The following LARGE1 variants were observed in gnomAD, a reference collection of about 807,000 sequenced individuals.
The protein encoded by LARGE1 is LARGE xylosyl- and glucuronyltransferase 1, also known as xylosyl- and glucuronyltransferase LARGE1.
Under a neutral mutation model 87.6 loss-of-function variants are expected in LARGE1, and 43 were observed. The ratio of observed to expected loss-of-function variants is 0.49; its 90% CI spans 0.38 to 0.63. LARGE1 has a LOEUF of 0.63. Ranked by LOEUF, LARGE1 falls within the 30% of genes least tolerant of loss-of-function variation. LARGE1 has a pLI of 0.00. For synonymous variants in LARGE1, 434 were observed against 394.6 expected (o/e 1.10, Z -1.18); for missense variants, 802 against 1,000.2 (o/e 0.80, Z 2.67).
intron 11 of LARGE1, among the ~76,000 whole-genome samples, chr22:33,232,199 G>C (rs1354764390): frequency 2.6e-5 from 4 of 152,192 alleles, no homozygotes; most frequent in African/African-American, 9.6e-5. Context: ...GTTTCTCTCA[G>C]CCTGCAAAAC....
intron 4 of LARGE1, among the ~76,000 whole-genome samples, chr22:33,615,018 C>A (rs922134886): frequency 2.6e-5 from 4 of 152,208 alleles, no homozygotes; most frequent in Non-Finnish European, 5.9e-5. Flanking sequence ...AAGTTAGACA[C>A]CACAGTTCTG....
chr22:33,236,259 T>A (rs545997954), intron 11 of LARGE1, among the ~76,000 whole-genome samples: 1 of 152,076 alleles, frequency 6.6e-6, no homozygotes. Context: ...AATACATGAG[T>A]GGAGAAACAC....
intron 11 of LARGE1, among the ~76,000 whole-genome samples, chr22:33,181,730 G>A (rs137371): frequency 0.45 from 68,198 of 150,138 alleles, 15,799 homozygotes; most frequent in Middle Eastern, 0.52. Flanking sequence ...GAGTTTCACC[G>A]TGTTGGCCAG....
chr22:33,540,512 C>T (rs900326175), intron 6 of LARGE1, among the ~76,000 whole-genome samples: 7 of 152,172 alleles, frequency 4.6e-5, no homozygotes, highest in African/African-American at 7.2e-5. Context: ...ATTTTAATCC[C>T]GTCTCCAAAC....
intron 10 of LARGE1, among the ~76,000 whole-genome samples, chr22:33,332,072 C>A (rs935738223): frequency 2.6e-5 from 4 of 152,136 alleles, no homozygotes; most frequent in African/African-American, 9.7e-5. Flanking sequence ...ATGCTGCCTG[C>A]TAGAACACTA....
intron 2 of LARGE1, among the ~76,000 whole-genome samples, chr22:33,727,984 G>T (rs1462688334): frequency 5.9e-5 from 9 of 151,722 alleles, no homozygotes; most frequent in Non-Finnish European, 1.3e-4. Context: ...CAGGTAGATG[G>T]ATCTGCACTC....
At chr22:33,438,093 C>T (rs2067338284) in intron 6 of LARGE1, among the ~76,000 whole-genome samples, 1 of 152,134 alleles carries the variant, frequency 6.6e-6, no homozygotes, top group Non-Finnish European at 1.5e-5. Flanking sequence ...ATGGATGATA[C>T]AGGTGATCTG....
chr22:33,185,872 T>C (rs866026011), intron 11 of LARGE1, among the ~76,000 whole-genome samples: 5 of 152,122 alleles, frequency 3.3e-5, no homozygotes, highest in East Asian at 1.9e-4. Context: ...CTAGTGATCC[T>C]ACTGACATGA....
chr22:33,204,832 A>G (rs1924598281), intron 11 of LARGE1, among the ~76,000 whole-genome samples: 8 of 152,066 alleles, frequency 5.3e-5, no homozygotes, highest in Admixed American at 4.6e-4. Flanking sequence ...AGGAATTACT[A>G]TAGAAGGGTT....
At chr22:33,472,533 G>A (rs1344535132) in intron 6 of LARGE1, among the ~76,000 whole-genome samples, 2 of 152,088 alleles carry the variant, frequency 1.3e-5, no homozygotes, top group African/African-American at 4.8e-5. Context: ...GATGCCATTG[G>A]CTAAATTTAG....
chr22:33,541,314 T>G (rs2077203018), intron 6 of LARGE1, among the ~76,000 whole-genome samples: 1 of 152,126 alleles, frequency 6.6e-6, no homozygotes, highest in Admixed American at 6.5e-5. Flanking sequence ...CTTTTATGTT[T>G]TAGCATAACA....
intron 3 of LARGE1, among the ~76,000 whole-genome samples, chr22:33,644,480 C>T (rs2080545160): frequency 6.6e-6 from 1 of 152,182 alleles, no homozygotes; most frequent in African/African-American, 2.4e-5. Context: ...AAGCTGGAAG[C>T]ATTCCCTTTG....
At chr22:33,159,022 T>G (rs1175570361), downstream of LARGE1, among the ~76,000 whole-genome samples, 3 of 152,192 alleles carry the variant, frequency 2.0e-5, no homozygotes, top group African/African-American at 7.2e-5. Context: ...AACCTAATAT[T>G]AATATTCTCA....
intron 11 of LARGE1, among the ~76,000 whole-genome samples, chr22:33,266,300 C>A (rs908250120): frequency 6.9e-6 from 1 of 145,618 alleles, no homozygotes; most frequent in African/African-American, 2.7e-5. Context: ...CGGCTCACTG[C>A]AACCTCCACC....
chr22:33,507,934 A>G (rs1437706333), intron 6 of LARGE1, among the ~76,000 whole-genome samples: 2 of 152,036 alleles, frequency 1.3e-5, no homozygotes, highest in Non-Finnish European at 2.9e-5. Flanking sequence ...GAAGAGGGGG[A>G]CCTTTAAATC....
intron 7 of LARGE1, among the ~76,000 whole-genome samples, chr22:33,424,304 T>C (rs1432100164): frequency 6.6e-6 from 1 of 152,128 alleles, no homozygotes; most frequent in Non-Finnish European, 1.5e-5. Flanking sequence ...CAGGTCAGAG[T>C]GTCACTTCCA....
chr22:33,080,892 C>A, the LARGE1 span, among the ~76,000 whole-genome samples: 3 of 152,092 alleles, frequency 2.0e-5, no homozygotes, highest in Admixed American at 6.6e-5. Context: ...TACAGGGATG[C>A]ACTCAAAAGT....
intron 11 of LARGE1, among the ~76,000 whole-genome samples, chr22:33,243,876 C>T (rs894439273): frequency 6.6e-6 from 1 of 152,108 alleles, no homozygotes; most frequent in African/African-American, 2.4e-5. Context: ...ACCCATGGAG[C>T]CCATTCTCAA....
chr22:33,566,240 A>G (rs2078021701), intron 5 of LARGE1, among the ~76,000 whole-genome samples: 1 of 152,258 alleles, frequency 6.6e-6, no homozygotes, highest in Non-Finnish European at 1.5e-5. Flanking sequence ...TAATTCAAAC[A>G]TGATACTCTT....
Sources: gnomAD v4.1 joint callset for allele counts (sites outside exome capture counted in the v4.1 genomes callset) on GRCh38, gnomAD v4.1.1 for gene constraint, MANE v1.5 for transcripts, NCBI Gene and HGNC (gene_info 2026-07-23, HGNC 2026-07-21) for gene names.